The following XRCC4 variants were observed in gnomAD, a reference collection of about 807,000 sequenced individuals.
The protein encoded by XRCC4 is DNA repair protein XRCC4.
A neutral mutation model predicts 39.1 loss-of-function variants in XRCC4; 28 were observed. That is an observed-to-expected ratio of 0.72 (90% CI 0.53 to 0.98). The LOEUF is 0.98. XRCC4 is among the 50% of genes least tolerant of loss of function. XRCC4 has a pLI of 0.00. For synonymous variants in XRCC4, 123 were observed against 126.4 expected (o/e 0.97, Z 0.18); for missense variants, 350 against 376.4 (o/e 0.93, Z 0.58).
intron 2 of XRCC4, among the ~76,000 whole-genome samples, chr5:83,106,741 T>C (rs2112382451): frequency 6.6e-6 from 1 of 152,144 alleles, no homozygotes; most frequent in African/African-American, 2.4e-5. Flanking sequence ...TGATTTATAC[T>C]GAGGGTAAGA....
chr5:83,351,540 A>G (rs1388032887), intron 7 of XRCC4, among the ~76,000 whole-genome samples: 1 of 152,232 alleles, frequency 6.6e-6, no homozygotes, highest in Admixed American at 6.5e-5. Context: ...TATAATAATT[A>G]TACTTTTATC....
At chr5:83,293,811 A>G (rs758124289) in intron 7 of XRCC4, among the ~76,000 whole-genome samples, 25 of 152,144 alleles carry the variant, frequency 1.6e-4, no homozygotes, top group Non-Finnish European at 3.1e-4. Flanking sequence ...TTTATGTCAG[A>G]TCCTATAAGA....
intron 6 of XRCC4, among the ~76,000 whole-genome samples, chr5:83,231,621 A>G (rs1752499639): frequency 6.6e-6 from 1 of 152,120 alleles, no homozygotes; most frequent in Admixed American, 6.6e-5. Context: ...CATCAGGACT[A>G]CCTAAGAGTT....
chr5:83,209,584 T>TA (rs1751560453), intron 6 of XRCC4, among the ~76,000 whole-genome samples: 1 of 152,090 alleles, frequency 6.6e-6, no homozygotes, highest in Admixed American at 6.6e-5. Context: ...ATTTATATGA[T>TA]AGAGTTAGGA....
intron 3 of XRCC4, among the ~76,000 whole-genome samples, chr5:83,134,643 T>G (rs1747792186): frequency 6.6e-6 from 1 of 152,132 alleles, no homozygotes; most frequent in African/African-American, 2.4e-5. Flanking sequence ...TGGGGCCAGA[T>G]AAGGGAATAA....
At chr5:83,238,192 C>G (rs768396680) in intron 6 of XRCC4, among the ~76,000 whole-genome samples, 13 of 152,148 alleles carry the variant, frequency 8.5e-5, no homozygotes, top group Admixed American at 2.6e-4. Flanking sequence ...GAAGGATAAT[C>G]TAGAAATGTA....
At chr5:83,237,322 A>G (rs998125160) in intron 6 of XRCC4, among the ~76,000 whole-genome samples, 2 of 152,150 alleles carry the variant, frequency 1.3e-5, no homozygotes, top group African/African-American at 2.4e-5. Flanking sequence ...GTGTCCATCA[A>G]TGAATGAATG....
intron 7 of XRCC4, among the ~76,000 whole-genome samples, chr5:83,297,639 A>G (rs370057890): frequency 2.0e-4 from 31 of 151,658 alleles, no homozygotes; most frequent in Admixed American, 5.9e-4. Context: ...TTTAAACAAT[A>G]TTATAGAGTA....
At chr5:83,260,051 A>G (rs1753696127) in intron 7 of XRCC4, among the ~76,000 whole-genome samples, 1 of 152,032 alleles carries the variant, frequency 6.6e-6, no homozygotes, top group Non-Finnish European at 1.5e-5. Flanking sequence ...TAAAAATGCT[A>G]TCTCCATACT....
At chr5:83,139,306 G>A (rs1323594068) in intron 3 of XRCC4, among the ~76,000 whole-genome samples, 2 of 152,194 alleles carry the variant, frequency 1.3e-5, no homozygotes, top group African/African-American at 2.4e-5. Flanking sequence ...TTTTTGACAA[G>A]AATACCATAG....
At chr5:83,103,352 CATTGTGTACCCCTA>C (rs1746045018) in intron 1 of XRCC4, among the ~76,000 whole-genome samples, 1 of 152,068 alleles carries the variant, frequency 6.6e-6, no homozygotes, top group Admixed American at 6.6e-5. Flanking sequence ...TTCAGTATTA[CATTGTGTACCCCTA>C]ATTTTATTTT....
At chr5:83,321,436 G>T (rs879067798) in intron 7 of XRCC4, among the ~76,000 whole-genome samples, 1 of 152,050 alleles carries the variant, frequency 6.6e-6, no homozygotes, top group Non-Finnish European at 1.5e-5. Flanking sequence ...GACAATTTTT[G>T]TTAGAGCTTT....
intron 3 of XRCC4, among the ~76,000 whole-genome samples, chr5:83,157,868 A>G (rs1436760506): frequency 6.6e-6 from 1 of 152,138 alleles, no homozygotes; most frequent in African/African-American, 2.4e-5. Context: ...ATAAAATTCA[A>G]AATATTAGTG....
intron 6 of XRCC4, among the ~76,000 whole-genome samples, chr5:83,216,798 T>A (rs907583183): frequency 2.6e-5 from 4 of 152,284 alleles, no homozygotes; most frequent in African/African-American, 9.6e-5. Context: ...ATTAAATGTT[T>A]GCTAAAGCTT....
At chr5:83,093,552 TGTTA>T (rs1446951863) in intron 1 of XRCC4, among the ~76,000 whole-genome samples, 1 of 152,224 alleles carries the variant, frequency 6.6e-6, no homozygotes. Flanking sequence ...ATAGATTGTA[TGTTA>T]GTTCACAAAG....
chr5:83,239,900 A>G (rs1399151431), intron 6 of XRCC4, among the ~76,000 whole-genome samples: 2 of 150,712 alleles, frequency 1.3e-5, no homozygotes, highest in East Asian at 4.0e-4. Flanking sequence ...ACGCATACCT[A>G]TAATCCCAGC....
At chr5:83,106,859 T>C (rs1746223755) in intron 2 of XRCC4, among the ~76,000 whole-genome samples, 1 of 151,992 alleles carries the variant, frequency 6.6e-6, no homozygotes, top group Admixed American at 6.6e-5. Flanking sequence ...ATGTCTCAAA[T>C]ATATAAAACT....
chr5:83,357,502 G>T (rs1757203173), downstream of XRCC4, among the ~76,000 whole-genome samples: 1 of 152,144 alleles, frequency 6.6e-6, no homozygotes, highest in Admixed American at 6.5e-5. Context: ...CGGATCACAT[G>T]AGAATACAGA....
intron 6 of XRCC4, among the ~76,000 whole-genome samples, chr5:83,225,488 C>T (rs972695834): frequency 4.0e-5 from 6 of 151,054 alleles, no homozygotes; most frequent in African/African-American, 9.7e-5. Flanking sequence ...CTGTGTTCTC[C>T]GGTTATTTAG....
Sources: allele counts gnomAD v4.1 joint callset (sites outside exome capture counted in the v4.1 genomes callset), GRCh38; gene constraint gnomAD v4.1.1; transcripts MANE v1.5; gene names NCBI Gene and HGNC (gene_info 2026-07-23, HGNC 2026-07-21).